The following MYH7 variants were observed in gnomAD, a reference collection of about 807,000 sequenced individuals.
MYH7 encodes myosin-7.
MYH7 carries 129 observed loss-of-function variants against 225.4 expected under a neutral mutation model. The observed-to-expected ratio is 0.57, with a 90% CI of 0.50 to 0.66. The LOEUF (loss-of-function observed/expected upper bound fraction) is 0.66, where lower values mean the gene tolerates loss of function less well. MYH7 is among the 30% of genes least tolerant of loss of function. The probability of loss-of-function intolerance (pLI) is 0.00; values close to 1 mark genes in which losing one functional copy is unlikely to be tolerated. For synonymous variants in MYH7, 971 were observed against 1,007.6 expected (o/e 0.96, Z 0.69); for missense variants, 1,649 against 2,517.0 (o/e 0.66, Z 7.38).
At chr14:23,413,955 G>GA (rs1429911046) in intron 38 of MYH7, 52 bp downstream of exon 38, 24 of 1,614,054 alleles carry the variant, frequency 1.5e-5, no homozygotes, top group Non-Finnish European at 2.0e-5. Flanking sequence ...TGGCTTGGGG[G>GA]ACGAGCTCTC....
Position 23,430,965 on chromosome 14 carries a change from C to T in MYH7, c.831G>A (p.Leu277=). ...LLEKSRVIFQ[L]KAERDYHIFY... ...AAATGTGATAATCTCTCTCTGCTTT[C>T]AGCTGGAAAATAACTCTGGATTTTT... Residue 277 remains leucine (L), a synonymous_variant, in exon 10 of 40, where the codon CTG becomes CTA. Coordinates refer to ENST00000355349, the MANE Select transcript of MYH7 (RefSeq NM_000257.4). 1 of 1,613,958 alleles carries T rather than the reference C, an allele frequency of 6.2e-7. No individual in the cohort carries two copies. The highest frequency in any genetic ancestry group is 8.5e-7 in the Non-Finnish European group (1 of 1,179,844).
At chr14:23,424,412 G>A (rs1595082115) in intron 22 of MYH7, among the ~76,000 whole-genome samples, 1 of 152,204 alleles carries the variant, frequency 6.6e-6, no homozygotes, top group African/African-American at 2.4e-5. Flanking sequence ...GGTGGGAATT[G>A]CATTTGCTGA....
intron 6 of MYH7, among the ~76,000 whole-genome samples, chr14:23,432,255 T>G (rs1595090110): frequency 2.0e-5 from 3 of 147,074 alleles, no homozygotes; most frequent in South Asian, 2.2e-4. Flanking sequence ...AGTTGGAGAG[T>G]GGGTGAAGGA....
chr14:23,422,376 T>A, intron 24 of MYH7, 51 bp from the exon 25 acceptor site: 2 of 1,613,354 alleles, frequency 1.2e-6, no homozygotes, highest in Non-Finnish European at 1.7e-6. Context: ...CCTGACTTGG[T>A]GATTTTGTTG....
chr14:23,433,430 C>G lies in MYH7; in HGVS notation c.201+102G>C. ...TCCCCAAAGGGAAGGAGAATGGGAC[C>G]ATCCTCAGGTCTGCATGGGCATGGG... On this transcript the variant is annotated intron_variant, in intron 3 of 39. Transcript: ENST00000355349. The surrounding 1 kb of genome is among the most constrained non-coding windows in gnomAD (Gnocchi z 4.1). 6.8e-7 allele frequency: 1 copy of G among 1,476,778 alleles called. No homozygotes were observed. The highest frequency in any genetic ancestry group is 9.4e-7 in the Non-Finnish European group (1 of 1,065,462). 91.5% of individuals were successfully genotyped at this position (1,476,778 alleles called of 1,614,324 possible).
chr14:23,416,417 T>TGGCCGGGCGCGGTGGCTC, intron 33 of MYH7, 105 bp from the exon 34 acceptor site: 1 of 1,280,382 alleles, frequency 7.8e-7, no homozygotes. Flanking sequence ...AAGAGTGGTG[T>TGGCCGGGCGCGGTGGCTC]AAGTGGTTCA....
chr14:23,416,329 G>T lies in MYH7; in HGVS notation c.4645-17C>A. Reference sequence around the variant, plus strand: ...CAGGGAGGCCTGGGAAGGGGTTGGGGGAGGGGATGCAGGCAGACAGTCAGG... The same window carrying T: ...CAGGGAGGCCTGGGAAGGGGTTGGGTGAGGGGATGCAGGCAGACAGTCAGG... On this transcript the variant is annotated splice_polypyrimidine_tract_variant and intron_variant, in intron 33 of 39. Coordinates refer to ENST00000355349, the MANE Select transcript of MYH7 (RefSeq NM_000257.4). The T allele has an allele frequency of 6.2e-7, 1 of 1,610,852 alleles. No individual in the cohort carries two copies. Among genetic ancestry groups the T allele is most frequent in the Non-Finnish European group, 8.5e-7 (1 of 1,177,982 alleles).
chr14:23,425,663 C>T lies in MYH7; in HGVS notation c.2286+32G>A, dbSNP rs375959008. On this transcript the variant is annotated intron_variant, in intron 20 of 39. Coordinates refer to ENST00000355349, the MANE Select transcript of MYH7 (RefSeq NM_000257.4). The surrounding 1 kb of genome is among the most constrained non-coding windows in gnomAD (Gnocchi z 4.6). ...AGAGGAGTCAATGGAAAAGAGATGT[C>T]TTCCTTTAATTAATTAGTCTCCTTT... is the stretch of plus-strand genomic sequence containing the variant. The T allele has an allele frequency of 6.2e-7, 1 of 1,613,850 alleles. No homozygotes were observed. Among genetic ancestry groups the T allele is most frequent in the Non-Finnish European group, 8.5e-7 (1 of 1,179,800 alleles).
intron 1 of MYH7, among the ~76,000 whole-genome samples, chr14:23,435,016 C>T (rs1167883770): frequency 1.3e-5 from 2 of 152,088 alleles, no homozygotes; most frequent in Non-Finnish European, 2.9e-5. Context: ...GTAAGTAGAT[C>T]ACATCACTGC....
Position 23,427,758 on chromosome 14 carries a change from T to C in MYH7, c.1715A>G (p.Lys572Arg). The change falls in exon 16 of 40, where the codon AAG becomes AGG. Residue 572 changes from lysine (K) to arginine (R), a missense_variant. Lys to Arg is a conservative substitution (Grantham distance 26, BLOSUM62 2). Around this residue, in one of 12 missense-constraint regions of MYH7, gnomAD observed 112 missense variants for 161.9 expected, o/e 0.69. Transcript: ENST00000355349. ...NFQKPRNIKGKPEAHFSLIHY... is the reference protein window; with the variant it reads ...NFQKPRNIKGRPEAHFSLIHY... Reference sequence around the variant, plus strand: ...GATCAGGGAGAAGTGGGCTTCAGGCTTCCCCTTGATATTGCGTGGCTTCTG... The same window carrying C: ...GATCAGGGAGAAGTGGGCTTCAGGCCTCCCCTTGATATTGCGTGGCTTCTG... 3.1e-6 allele frequency: 5 copies of C among 1,614,200 alleles called. No homozygotes were observed. Among genetic ancestry groups the C allele is most frequent in the Non-Finnish European group, 4.2e-6 (5 of 1,180,028 alleles).
intron 24 of MYH7, 73 bp downstream of exon 24, chr14:23,423,474 C>A: frequency 6.5e-7 from 1 of 1,547,004 alleles, no homozygotes; most frequent in Non-Finnish European, 8.9e-7. Flanking sequence ...CACACACACA[C>A]ACACACACAC....
Position 23,416,031 on chromosome 14 carries a change from T to C in MYH7, c.4926A>G (p.Gln1642=). The part of the protein sequence containing the change: ...ANRMAAEAQK[Q]VKSLQSLLKD... Reference sequence around the variant, plus strand: ...TCAACAAGCTCTGGAGGCTCTTGACTTGCTTCTGGGCCTCGGCGGCCATGC... The same window carrying C: ...TCAACAAGCTCTGGAGGCTCTTGACCTGCTTCTGGGCCTCGGCGGCCATGC... The change falls in exon 34 of 40, where the codon CAA becomes CAG. Residue 1642 remains glutamine (Q), a synonymous_variant. Transcript: ENST00000355349. 1 of 1,614,204 alleles carries C rather than the reference T, an allele frequency of 6.2e-7. No individual in the cohort carries two copies. Among genetic ancestry groups the C allele is most frequent in the Non-Finnish European group, 8.5e-7 (1 of 1,180,032 alleles).
At chr14:23,429,559 C>T (rs1047144328) in intron 12 of MYH7, among the ~76,000 whole-genome samples, 5 of 151,988 alleles carry the variant, frequency 3.3e-5, no homozygotes, top group Admixed American at 2.6e-4. Context: ...GCCTGTAATT[C>T]CAGCTACTCG....
intron 9 of MYH7, 66 bp downstream of exon 9, chr14:23,431,352 G>T: frequency 1.4e-6 from 2 of 1,472,450 alleles, no homozygotes; most frequent in Admixed American, 1.7e-5. Context: ...AGAGAGAGAG[G>T]TCAAGACCAG....
chr14:23,432,976 A>T, intron 4 of MYH7, 108 bp downstream of exon 4: 1 of 1,554,448 alleles, frequency 6.4e-7, no homozygotes. Flanking sequence ...GGACGAGGTT[A>T]GAGTGTAACC....
Position 23,421,076 on chromosome 14 carries a change from A to C in MYH7, c.3246-28T>G. The C allele has an allele frequency of 1.9e-6, 3 of 1,583,366 alleles. No individual in the cohort carries two copies. In the South Asian group the frequency reaches 3.3e-5, roughly 18 times the overall value. On this transcript the variant is annotated intron_variant, in intron 25 of 39. Coordinates refer to ENST00000355349, the MANE Select transcript of MYH7 (RefSeq NM_000257.4). ...GTGGGGAAGGAGGGATGGTGAGGTA[A>C]GGGAGACTCGTGGGGCCTCAGGAGG... is the stretch of plus-strand genomic sequence containing the variant.
chr14:23,429,437 A>G, intron 12 of MYH7, 90 bp from the exon 13 acceptor site: 13 of 1,275,662 alleles, frequency 1.0e-5, no homozygotes, highest in African/African-American at 1.5e-5. Flanking sequence ...GCACTTTGGG[A>G]GGCCAAGGCA....
intron 11 of MYH7, among the ~76,000 whole-genome samples, chr14:23,430,346 C>T (rs1892876941): frequency 6.6e-6 from 1 of 152,196 alleles, no homozygotes; most frequent in Non-Finnish European, 1.5e-5. Flanking sequence ...TGGCTTTCAG[C>T]TCTTCCTGGT....
chr14:23,417,107 C>A (rs751966848), intron 32 of MYH7, 46 bp downstream of exon 32: 1 of 1,614,182 alleles, frequency 6.2e-7, no homozygotes, highest in Non-Finnish European at 8.5e-7. Flanking sequence ...CATATGGGAA[C>A]ACTGCCAGTG....
Sources: allele counts gnomAD v4.1 joint callset (sites outside exome capture counted in the v4.1 genomes callset), GRCh38; gene constraint gnomAD v4.1.1; regional missense constraint gnomAD v4.1.1; non-coding constraint Gnocchi (gnomAD v3.1); transcripts MANE v1.5; gene names NCBI Gene and HGNC (gene_info 2026-07-23, HGNC 2026-07-21).